Variants in EBF2 observed in about 807,000 individuals in gnomAD.
EBF2 encodes the protein transcription factor COE2.
Under a neutral mutation model 72.8 loss-of-function variants are expected in EBF2, and 21 were observed. The ratio of observed to expected loss-of-function variants is 0.29; its 90% CI spans 0.20 to 0.42. The LOEUF (loss-of-function observed/expected upper bound fraction) is 0.42. Ranked by LOEUF, EBF2 falls within the 10% of genes least tolerant of loss-of-function variation. The pLI, the probability that EBF2 is intolerant of heterozygous loss-of-function variation, is 1.00. For missense variants in EBF2, 637 were observed against 731.2 expected (o/e 0.87, Z 1.49); for synonymous variants, 299 against 274.2 (o/e 1.09, Z -0.89).
chr8:26,030,710 G>A (rs368387024), intron 6 of EBF2, among the ~76,000 whole-genome samples: 4 of 152,090 alleles, frequency 2.6e-5, no homozygotes, highest in East Asian at 1.9e-4. Flanking sequence ...GCAACATTTC[G>A]GAAGTAACGC....
At chr8:26,010,709 G>GTTAT (rs979105960) in intron 6 of EBF2, among the ~76,000 whole-genome samples, 3 of 152,276 alleles carry the variant, frequency 2.0e-5, no homozygotes, top group East Asian at 3.9e-4. Flanking sequence ...AACGGCAAAT[G>GTTAT]TTATTTATTT....
chr8:25,969,254 C>A (rs1025517054), intron 6 of EBF2, among the ~76,000 whole-genome samples: 1 of 152,238 alleles, frequency 6.6e-6, no homozygotes, highest in Non-Finnish European at 1.5e-5. Context: ...CTGTCCCATT[C>A]ATGAATTCCT....
intron 6 of EBF2, among the ~76,000 whole-genome samples, chr8:25,975,247 A>G (rs1804250311): frequency 6.6e-6 from 1 of 152,156 alleles, no homozygotes; most frequent in South Asian, 2.1e-4. Flanking sequence ...GAAACGATAC[A>G]TGTTTCAAAT....
chr8:25,955,594 T>G (rs1016271764), intron 6 of EBF2, among the ~76,000 whole-genome samples: 1 of 152,342 alleles, frequency 6.6e-6, no homozygotes, highest in Non-Finnish European at 1.5e-5. Context: ...TTAACACATT[T>G]TCTATACTTT....
chr8:25,974,751 C>T lies in EBF2; in HGVS notation c.551+58334G>A, dbSNP rs562152216. Reference sequence around the variant, plus strand: ...CTTCCTGCCAAACTCCCCCTGCCCCCCCATCCTACTGTAGCCAAAAAAATA... The same window carrying T: ...CTTCCTGCCAAACTCCCCCTGCCCCTCCATCCTACTGTAGCCAAAAAAATA... On this transcript the variant is annotated intron_variant, in intron 6 of 15. Coordinates refer to ENST00000520164, the MANE Select transcript of EBF2 (RefSeq NM_022659.4). Among the ~76,000 whole-genome samples the T allele has an allele frequency of 8.5e-5, 13 of 152,260 alleles. No individual in the cohort carries two copies. In the East Asian group the frequency reaches 1.9e-3, roughly 23 times the overall value.
intron 15 of EBF2, among the ~76,000 whole-genome samples, chr8:25,847,692 C>T (rs4288385): frequency 0.27 from 41,775 of 151,984 alleles, 5,949 homozygotes; most frequent in South Asian, 0.39. Context: ...TGACAAGGCC[C>T]GGAAAGAGCT....
At chr8:25,906,407 T>C (rs138986722) in intron 7 of EBF2, among the ~76,000 whole-genome samples, 207 of 152,330 alleles carry the variant, frequency 1.4e-3, no homozygotes, top group African/African-American at 4.8e-3. Flanking sequence ...ACAGTGAATT[T>C]CCACCATGCA....
Position 26,044,392 on chromosome 8 carries a change from G to C in EBF2, c.131+337C>G, listed in dbSNP as rs543303770. On this transcript the variant is annotated intron_variant, in intron 1 of 15. Coordinates refer to ENST00000520164, the MANE Select transcript of EBF2 (RefSeq NM_022659.4). The surrounding 1 kb of genome is among the most constrained non-coding windows in gnomAD (Gnocchi z 4.1). The stretch of plus-strand genomic sequence containing the variant: ...CAGCGCCGGTGTTCACGCTCCGTTC[G>C]GGGCCAGGCCGGCTCGGCTTGCAGG... Among the ~76,000 whole-genome samples the C allele has an allele frequency of 6.6e-6, 1 of 152,268 alleles. No homozygotes were observed. The highest frequency in any genetic ancestry group is 6.5e-5 in the Admixed American group (1 of 15,276).
At chr8:25,844,890 T>G (rs1801801451) in intron 15 of EBF2, among the ~76,000 whole-genome samples, 1 of 152,192 alleles carries the variant, frequency 6.6e-6, no homozygotes, top group South Asian at 2.1e-4. Flanking sequence ...AGGCCAGGAG[T>G]TATGTTTTGT....
At chr8:25,950,254 TC>T (rs1803837479) in intron 6 of EBF2, among the ~76,000 whole-genome samples, 1 of 152,250 alleles carries the variant, frequency 6.6e-6, no homozygotes, top group Non-Finnish European at 1.5e-5. Flanking sequence ...CAGCAGGCTC[TC>T]AAATTCCATA....
intron 10 of EBF2, among the ~76,000 whole-genome samples, chr8:25,867,881 A>G (rs1035223374): frequency 1.3e-5 from 2 of 152,112 alleles, no homozygotes; most frequent in Non-Finnish European, 2.9e-5. Context: ...ATATCATTGT[A>G]TTTTTTCTAG....
intron 6 of EBF2, among the ~76,000 whole-genome samples, chr8:25,927,560 C>T (rs1290165402): frequency 6.6e-6 from 1 of 151,972 alleles, no homozygotes; most frequent in African/African-American, 2.4e-5. Flanking sequence ...CGTAAAACCA[C>T]CAAATAATGT....
At chr8:26,001,082 C>T (rs1485726517) in intron 6 of EBF2, among the ~76,000 whole-genome samples, 6 of 152,166 alleles carry the variant, frequency 3.9e-5, no homozygotes, top group Non-Finnish European at 5.9e-5. Flanking sequence ...TTTGGGGTAC[C>T]TAAAAAGATG....
At chr8:25,927,676 G>A (rs1260929442) in intron 6 of EBF2, among the ~76,000 whole-genome samples, 2 of 152,158 alleles carry the variant, frequency 1.3e-5, no homozygotes, top group Non-Finnish European at 2.9e-5. Flanking sequence ...GGGAGAGGAT[G>A]GCAGAGGAGT....
chr8:26,026,036 C>T (rs138934217), intron 6 of EBF2, among the ~76,000 whole-genome samples: 1 of 151,972 alleles, frequency 6.6e-6, no homozygotes, highest in African/African-American at 2.4e-5. Context: ...AAAGATAGCC[C>T]GGCATAGTGG....
At chr8:25,935,070 T>A (rs1410275670) in intron 6 of EBF2, among the ~76,000 whole-genome samples, 1 of 152,164 alleles carries the variant, frequency 6.6e-6, no homozygotes, top group East Asian at 1.9e-4. Context: ...ACAACTAGAC[T>A]CAATTGACTG....
At chr8:25,970,520 C>T (rs1304022954) in intron 6 of EBF2, among the ~76,000 whole-genome samples, 1 of 152,126 alleles carries the variant, frequency 6.6e-6, no homozygotes, top group African/African-American at 2.4e-5. Flanking sequence ...CCCAACACCC[C>T]CTCCCCACTC....
intron 6 of EBF2, among the ~76,000 whole-genome samples, chr8:25,990,296 GTTATA>G (rs2117208797): frequency 6.6e-6 from 1 of 151,962 alleles, no homozygotes; most frequent in South Asian, 2.1e-4. Flanking sequence ...TATGTGGATT[GTTATA>G]TTACATAATA....
At chr8:25,944,425 T>C (rs1803730164) in intron 6 of EBF2, among the ~76,000 whole-genome samples, 1 of 152,138 alleles carries the variant, frequency 6.6e-6, no homozygotes, top group South Asian at 2.1e-4. Flanking sequence ...CTAGAAGTTT[T>C]TGCAGGCAGA....
Sources: gnomAD v4.1 joint callset for allele counts (sites outside exome capture counted in the v4.1 genomes callset) on GRCh38, gnomAD v4.1.1 for gene constraint, Gnocchi (gnomAD v3.1) non-coding constraint, MANE v1.5 for transcripts, NCBI Gene and HGNC (gene_info 2026-07-23, HGNC 2026-07-21) for gene names.